RTL4: variants seen among roughly 807,000 people sequenced by gnomAD.
RTL4 encodes the protein retrotransposon Gag-like protein 4.
In RTL4, 4 loss-of-function variants were observed where a neutral mutation model predicts 5.3. The ratio of observed to expected loss-of-function variants is 0.75; its 90% CI spans 0.37 to 1.72. The LOEUF is 1.72. Ranked by LOEUF, RTL4 falls within the 40% of genes most tolerant of loss-of-function variation. The pLI, the probability that RTL4 is intolerant of heterozygous loss-of-function variation, is 0.04. For synonymous variants in RTL4, 98 were observed against 87.3 expected, an observed-to-expected ratio of 1.12 and a Z score of -0.68; for missense variants, 260 against 227.1, an observed-to-expected ratio of 1.14 and a Z score of -0.93.
the RTL4 span, among the ~76,000 whole-genome samples, chrX:112,390,883 T>C: frequency 8.9e-6 from 1 of 112,378 alleles, no homozygotes; most frequent in African/African-American, 3.2e-5. Flanking sequence ...GTTGAGGAAG[T>C]TTTCATGGAC....
chrX:112,190,981 T>C, the RTL4 span, among the ~76,000 whole-genome samples: 1 of 112,236 alleles, frequency 8.9e-6, no homozygotes. Flanking sequence ...CCTTTCCCTA[T>C]ACTCTAAGAA....
At chrX:112,407,824 GGAGAAAGTGA>G in the RTL4 span, among the ~76,000 whole-genome samples, 2 of 112,702 alleles carry the variant, frequency 1.8e-5, no homozygotes, top group African/African-American at 6.4e-5. Flanking sequence ...ACTCTGTTTG[GGAGAAAGTGA>G]GAGAAGAGAA....
At chrX:112,215,244 A>G in the RTL4 span, among the ~76,000 whole-genome samples, 4 of 111,735 alleles carry the variant, frequency 3.6e-5, no homozygotes, top group African/African-American at 9.8e-5. Context: ...AACCTCAAAC[A>G]TTATCTTTTC....
the RTL4 span, among the ~76,000 whole-genome samples, chrX:112,116,718 A>C: frequency 8.9e-6 from 1 of 111,780 alleles, no homozygotes; most frequent in Non-Finnish European, 1.9e-5. Flanking sequence ...TTCTCTCGTA[A>C]GACAGAAAAG....
the RTL4 span, among the ~76,000 whole-genome samples, chrX:112,310,162 T>C: frequency 3.9e-5 from 4 of 101,681 alleles, no homozygotes; most frequent in East Asian, 6.3e-4. Context: ...TCCAATATGA[T>C]GGCATTTGAA....
chrX:112,312,790 T>G, the RTL4 span, among the ~76,000 whole-genome samples: 2 of 111,343 alleles, frequency 1.8e-5, no homozygotes, highest in East Asian at 5.7e-4. Flanking sequence ...CACAGCTGCC[T>G]CCAGGTCCTG....
At chrX:112,163,465 C>T in the RTL4 span, among the ~76,000 whole-genome samples, 1 of 111,611 alleles carries the variant, frequency 9.0e-6, no homozygotes, top group Non-Finnish European at 1.9e-5. Flanking sequence ...CAAAAGACAG[C>T]CCTTACCAGA....
the RTL4 span, among the ~76,000 whole-genome samples, chrX:112,352,357 G>C: frequency 3.6e-5 from 4 of 110,690 alleles, no homozygotes; most frequent in South Asian, 7.7e-4. Context: ...AACCAAAAAA[G>C]AGCCCGCATC....
chrX:112,448,836 T>C, the RTL4 span, among the ~76,000 whole-genome samples: 3 of 111,822 alleles, frequency 2.7e-5, no homozygotes, highest in East Asian at 2.8e-4. Context: ...AACTGGAAAA[T>C]TGCAGTAAAG....
chrX:112,095,159 CA>C, the RTL4 span, among the ~76,000 whole-genome samples: 1 of 111,030 alleles, frequency 9.0e-6, no homozygotes, highest in African/African-American at 3.3e-5. Context: ...AAGAAAGGAG[CA>C]AAAAGTATCC....
the RTL4 span, among the ~76,000 whole-genome samples, chrX:112,255,114 G>C: frequency 9.0e-6 from 1 of 111,645 alleles, no homozygotes; most frequent in African/African-American, 3.3e-5. Flanking sequence ...ACCCAAAAGA[G>C]TGTGCTATAT....
the RTL4 span, among the ~76,000 whole-genome samples, chrX:112,106,736 T>C: frequency 8.9e-6 from 1 of 112,134 alleles, no homozygotes; most frequent in Non-Finnish European, 1.9e-5. Flanking sequence ...TGTCTCGTGA[T>C]TTTTATTTGC....
At chrX:112,105,280 T>A in the RTL4 span, among the ~76,000 whole-genome samples, 7 of 112,034 alleles carry the variant, frequency 6.2e-5, no homozygotes, top group African/African-American at 2.3e-4. Flanking sequence ...ATTGTTTTGA[T>A]TACTATAGCT....
At chrX:112,331,898 T>A in the RTL4 span, among the ~76,000 whole-genome samples, 1 of 94,811 alleles carries the variant, frequency 1.1e-5, no homozygotes, top group African/African-American at 4.2e-5. Flanking sequence ...CTCAGTAAAC[T>A]ATCACAAGAA....
chrX:112,236,394 A>C, the RTL4 span, among the ~76,000 whole-genome samples: 1 of 85,564 alleles, frequency 1.2e-5, no homozygotes, highest in Non-Finnish European at 2.2e-5. Flanking sequence ...TTTCATATAT[A>C]TATAATATAG....
At chrX:112,226,989 C>CAAAACAAAACAAAATAAAATAAAAT in the RTL4 span, among the ~76,000 whole-genome samples, 13 of 95,721 alleles carry the variant, frequency 1.4e-4, no homozygotes, top group African/African-American at 5.2e-4. Context: ...TAAAATAAAA[C>CAAAACAAAACAAAATAAAATAAAAT]AAAATAAAAT....
At chrX:112,137,140 C>T in the RTL4 span, among the ~76,000 whole-genome samples, 2 of 110,464 alleles carry the variant, frequency 1.8e-5, no homozygotes, top group Admixed American at 1.9e-4. Context: ...TCCTAGAACT[C>T]AATATTTAAA....
chrX:112,232,956 G>C, the RTL4 span, among the ~76,000 whole-genome samples: 1 of 111,352 alleles, frequency 9.0e-6, no homozygotes, highest in Non-Finnish European at 1.9e-5. Context: ...TGGTATTACA[G>C]CTACCATCAC....
At chrX:112,423,658 G>A in the RTL4 span, among the ~76,000 whole-genome samples, 10 of 111,364 alleles carry the variant, frequency 9.0e-5, no homozygotes, top group African/African-American at 2.9e-4. Context: ...TGGCCACCTT[G>A]TGTTCTTGAT....
Sources: allele counts gnomAD v4.1 joint callset (sites outside exome capture counted in the v4.1 genomes callset), GRCh38; gene constraint gnomAD v4.1.1; transcripts MANE v1.5; gene names NCBI Gene and HGNC (gene_info 2026-07-23, HGNC 2026-07-21).